EDEM1: variants seen among roughly 807,000 people sequenced by gnomAD.
EDEM1 encodes the protein ER degradation enhancing alpha-mannosidase like protein 1.
EDEM1 carries 67 observed loss-of-function variants against 74.4 expected under a neutral mutation model. The ratio of observed to expected loss-of-function variants is 0.90; its 90% CI spans 0.74 to 1.10. The LOEUF is 1.10. EDEM1 is among the 50% of genes least tolerant of loss of function. The probability of loss-of-function intolerance (pLI) is 0.00; values close to 1 mark genes in which losing one functional copy is unlikely to be tolerated. For missense variants in EDEM1, 926 were observed against 851.6 expected, an observed-to-expected ratio of 1.09 and a Z score of -1.09; for synonymous variants, 382 against 335.9, an observed-to-expected ratio of 1.14 and a Z score of -1.50.
chr3:5,202,495 A>T (rs2055046386), intron 4 of EDEM1, among the ~76,000 whole-genome samples: 1 of 152,246 alleles, frequency 6.6e-6, no homozygotes, highest in Admixed American at 6.5e-5. Context: ...CTGACTGAGA[A>T]CTGCCAGAGC....
chr3:5,195,068 C>G (rs1433161697), intron 1 of EDEM1, 141 bp from the exon 2 acceptor site: 2 of 452,596 alleles, frequency 4.4e-6, no homozygotes, highest in Admixed American at 8.5e-5. Flanking sequence ...GTAGAAAGAC[C>G]TTTGCTGTAT....
At chr3:5,200,450 T>C (rs1412011833) in intron 3 of EDEM1, among the ~76,000 whole-genome samples, 1 of 152,212 alleles carries the variant, frequency 6.6e-6, no homozygotes, top group East Asian at 1.9e-4. Context: ...CTCACTTCTA[T>C]TTCTCTCTCT....
At chr3:5,205,393 A>C (rs1559298003) in intron 6 of EDEM1, 152 bp downstream of exon 6, 1 of 773,516 alleles carries the variant, frequency 1.3e-6, no homozygotes, top group Non-Finnish European at 2.0e-6. Context: ...TCTGGGGGCA[A>C]AGAGCTGTGT....
rs1270408494 is a variant in EDEM1 at position 5,219,462 on chromosome 3, G to A, written c.*3544G>A. On this transcript the variant is annotated 3_prime_UTR_variant, in exon 12 of 12. Coordinates refer to ENST00000256497, the MANE Select transcript of EDEM1 (RefSeq NM_014674.3). The stretch of plus-strand genomic sequence containing the variant: ...ACCCCTTGGGAAATCGAGGAGGTGG[G>A]ACGGGCTGGGCCCTGTGTCCCAGGT... 1 of 152,146 alleles carries A rather than the reference G, an allele frequency of 6.6e-6. No individual in the cohort carries two copies. Among genetic ancestry groups the A allele is most frequent in the Non-Finnish European group, 1.5e-5 (1 of 68,046 alleles). The allele number at this position is 152,146 out of a possible 1,614,324, so 9.4% of individuals were successfully genotyped here.
At position 5,213,537 on chromosome 3, in the gene EDEM1, C is replaced by T. The variant is rs749812872; in HGVS notation, c.1884+15C>T. The T allele has an allele frequency of 6.9e-6, 11 of 1,593,678 alleles. No individual in the cohort carries two copies. In the East Asian group the frequency reaches 2.2e-4, roughly 32 times the overall value. On this transcript the variant is annotated intron_variant, in intron 11 of 11. Transcript: ENST00000256497. ...CCAGCTCCAACGTGAGTTGCTTTTT[C>T]CAGGGGTGATTTGCATATAGAGGAA... is the stretch of plus-strand genomic sequence containing the variant.
rs139814208 is a variant in EDEM1, at chr3:5,202,018, G to A, written c.858+94G>A. ...ACTAATTTATTTGGGAGAAGGAATG[G>A]GATGGAGGTAGATGAGAAAAGCAGT... On this transcript the variant is annotated intron_variant, in intron 4 of 11. Transcript: ENST00000256497. 3.5e-4 allele frequency: 494 copies of A among 1,431,732 alleles called. 1 individual carries two copies. In the African/African-American group the frequency reaches 6.2e-3, roughly 18 times the overall value. 88.7% of individuals were successfully genotyped at this position (1,431,732 alleles called of 1,614,324 possible).
intron 1 of EDEM1, among the ~76,000 whole-genome samples, chr3:5,193,826 G>A (rs1021902431): frequency 6.6e-6 from 1 of 152,178 alleles, no homozygotes; most frequent in Non-Finnish European, 1.5e-5. Context: ...TTGAACTCCT[G>A]ACCTTGGATG....
intron 1 of EDEM1, 183 bp downstream of exon 1, chr3:5,188,497 G>A: frequency 1.7e-6 from 1 of 573,402 alleles, no homozygotes. Flanking sequence ...GAGGGTGCGG[G>A]GTGGGCCGGT....
chr3:5,216,859 C>T lies in EDEM1; in HGVS notation c.*941C>T. On this transcript the variant is annotated 3_prime_UTR_variant, in exon 12 of 12. Transcript: ENST00000256497. ...AGATTGTCTGAGCTTCCATCTTTCT[C>T]ATATTTCCTAAGCAAGGATTCTCAC... 1 of 152,640 alleles carries T rather than the reference C, an allele frequency of 6.6e-6. No homozygotes were observed. The highest frequency in any genetic ancestry group is 1.9e-4 in the East Asian group (1 of 5,204). The allele number at this position is 152,640 out of a possible 1,614,324, so 9.5% of individuals were successfully genotyped here.
At chr3:5,214,076 A>G (rs1171435001) in intron 11 of EDEM1, among the ~76,000 whole-genome samples, 3 of 152,246 alleles carry the variant, frequency 2.0e-5, no homozygotes, top group Non-Finnish European at 4.4e-5. Context: ...TTCGAAGTGC[A>G]GCAAACACCC....
Position 5,207,184 on chromosome 3 carries a change from C to G in EDEM1, c.1249C>G (p.Pro417Ala). 1 of 1,614,074 alleles carries G rather than the reference C, an allele frequency of 6.2e-7. No homozygotes were observed. Among genetic ancestry groups the G allele is most frequent in the Non-Finnish European group, 8.5e-7 (1 of 1,179,994 alleles). ...AGCCTGCAATGAAGGAGAAGGAGAC[C>G]CTCCACTCTATGTCAACGTGAACAT... ...REACNEGEGD[P>A]PLYVNVNMFS... The change falls in exon 7 of 12, where the codon CCT becomes GCT. Residue 417 changes from proline to alanine, a missense_variant. Transcript: ENST00000256497.
intron 2 of EDEM1, among the ~76,000 whole-genome samples, chr3:5,197,082 T>C (rs2648643): frequency 8.1e-4 from 96 of 119,188 alleles, no homozygotes; most frequent in Middle Eastern, 4.4e-3. Flanking sequence ...TTTTTTTTTT[T>C]CCCCATTTTG....
intron 6 of EDEM1, among the ~76,000 whole-genome samples, chr3:5,206,271 G>A (rs529743171): frequency 7.8e-4 from 118 of 150,646 alleles, no homozygotes; most frequent in Non-Finnish European, 1.5e-3. Flanking sequence ...ACAGTGGTAC[G>A]ATCTTGGCTC....
Position 5,219,219 on chromosome 3 carries a change from T to C in EDEM1, c.*3301T>C, listed in dbSNP as rs1286266771. 2.0e-5 allele frequency: 3 copies of C among 152,234 alleles called. No individual in the cohort carries two copies. Among genetic ancestry groups the C allele is most frequent in the Non-Finnish European group, 4.4e-5 (3 of 68,040 alleles). 9.4% of individuals were successfully genotyped at this position (152,234 alleles called of 1,614,324 possible). ...ACATGAGACATTCCTTTCTGCTTTC[T>C]GGAGGGCACCAGGGGCCTTTCTCTT... On this transcript the variant is annotated 3_prime_UTR_variant, in exon 12 of 12. Transcript: ENST00000256497.
intron 6 of EDEM1, 63 bp from the exon 7 acceptor site, chr3:5,207,090 G>A: frequency 6.3e-7 from 1 of 1,587,778 alleles, no homozygotes; most frequent in South Asian, 1.1e-5. Context: ...GCAGCTGCTG[G>A]AGAGGTAGAG....
rs2055259763 is a variant in EDEM1, at chr3:5,217,821, A to C, written c.*1903A>C. ...TACACACACATGCATGCATGCACAC[A>C]CGAGCATACTTGTACCTTTGTCTCT... On this transcript the variant is annotated 3_prime_UTR_variant, in exon 12 of 12. Coordinates refer to ENST00000256497, the MANE Select transcript of EDEM1 (RefSeq NM_014674.3). The C allele has an allele frequency of 6.6e-6, 1 of 152,136 alleles. No individual in the cohort carries two copies. Among genetic ancestry groups the C allele is most frequent in the Non-Finnish European group, 1.5e-5 (1 of 68,032 alleles). 9.4% of individuals were successfully genotyped at this position (152,136 alleles called of 1,614,324 possible). A position where few individuals can be genotyped will look rare whatever the true frequency, so the allele number is the denominator to read the frequency against.
intron 2 of EDEM1, among the ~76,000 whole-genome samples, chr3:5,198,267 T>G (rs1688261779): frequency 6.6e-6 from 1 of 152,190 alleles, no homozygotes; most frequent in Non-Finnish European, 1.5e-5. Context: ...CAGGCTGGTT[T>G]TGAACTCTTG....
rs770766713 is a variant in EDEM1 at position 5,196,469 on chromosome 3, C to CAT, written c.582+1189_582+1190insTA. ...GAGACTCCATCTCTGGAGACACACACACACACACACACACAAGAATTGGGT... is the reference window on the plus strand; with the variant it reads ...GAGACTCCATCTCTGGAGACACACACATACACACACACACACAAGAATTGGGT... On this transcript the variant is annotated intron_variant, in intron 2 of 11. Coordinates refer to ENST00000256497, the MANE Select transcript of EDEM1 (RefSeq NM_014674.3). Among the ~76,000 whole-genome samples the CAT allele has an allele frequency of 1.2e-3, 184 of 151,928 alleles. No individual in the cohort carries two copies. The Middle Eastern group carries it at 0.017, about 14-fold the overall frequency.
At chr3:5,200,434 A>T (rs180955526) in intron 3 of EDEM1, among the ~76,000 whole-genome samples, 1 of 151,954 alleles carries the variant, frequency 6.6e-6, no homozygotes, top group African/African-American at 2.4e-5. Flanking sequence ...TTTGTTAGGT[A>T]TATCTCTCAC....
Sources: allele counts gnomAD v4.1 joint callset (sites outside exome capture counted in the v4.1 genomes callset), GRCh38; gene constraint gnomAD v4.1.1; transcripts MANE v1.5; gene names NCBI Gene and HGNC (gene_info 2026-07-23, HGNC 2026-07-21).